PRKACB: variants seen among roughly 807,000 people sequenced by gnomAD.
PRKACB encodes protein kinase cAMP-activated catalytic subunit beta.
A neutral mutation model predicts 51.4 loss-of-function variants in PRKACB; 16 were observed. The observed-to-expected ratio is 0.31, with a 90% confidence interval of 0.21 to 0.47. The LOEUF (loss-of-function observed/expected upper bound fraction) is 0.47, where lower values mean the gene tolerates loss of function less well. PRKACB is among the 20% of genes least tolerant of loss of function. PRKACB has a pLI of 1.00. For synonymous variants in PRKACB, 147 were observed against 154.4 expected (o/e 0.95, Z 0.35); for missense variants, 309 against 464.5 (o/e 0.67, Z 3.08).
intron 8 of PRKACB, among the ~76,000 whole-genome samples, chr1:84,212,360 A>G (rs939240892): frequency 6.8e-6 from 1 of 147,300 alleles, no homozygotes; most frequent in Admixed American, 6.6e-5. Flanking sequence ...CTTATAGACT[A>G]GCACAAAAGT....
chr1:84,222,590 C>T (rs1341588400), intron 9 of PRKACB, among the ~76,000 whole-genome samples: 1 of 151,904 alleles, frequency 6.6e-6, no homozygotes, highest in Admixed American at 6.6e-5. Context: ...ATGTGTCTGC[C>T]CTACCAGTGA....
At chr1:84,153,322 G>A (rs1655062637) in intron 1 of PRKACB, among the ~76,000 whole-genome samples, 1 of 152,114 alleles carries the variant, frequency 6.6e-6, no homozygotes, top group Admixed American at 6.6e-5. Flanking sequence ...GTGAGCACAT[G>A]CTGTAAGAAA....
chr1:84,110,423 A>G lies in PRKACB; in HGVS notation c.46+32052A>G, dbSNP rs368392250. On this transcript the variant is annotated intron_variant, in intron 1 of 8. Coordinates refer to the PRKACB transcript ENST00000370688. ...ACTTGAGTTTTTCCCATAATGTTCA[A>G]TTTCCTCTGGAAAGAAAATGTAAAC... 5.5e-4 allele frequency among the ~76,000 whole-genome samples: 84 copies of G among 151,870 alleles called. 1 individual carries two copies. In the South Asian group the frequency reaches 0.017, roughly 31 times the overall value.
intron 5 of PRKACB, among the ~76,000 whole-genome samples, chr1:84,187,371 T>C (rs950715136): frequency 9.2e-5 from 14 of 152,106 alleles, no homozygotes; most frequent in African/African-American, 3.4e-4. Flanking sequence ...AAGCAGGCAT[T>C]AAGAGGGGTA....
intron 9 of PRKACB, among the ~76,000 whole-genome samples, chr1:84,231,788 T>C (rs1675707959): frequency 6.6e-6 from 1 of 152,300 alleles, no homozygotes; most frequent in South Asian, 2.1e-4. Context: ...CATTTTTTAT[T>C]GCGTCTATTT....
At chr1:84,180,015 A>T (rs1490496717) in intron 2 of PRKACB, among the ~76,000 whole-genome samples, 1 of 144,484 alleles carries the variant, frequency 6.9e-6, no homozygotes. Flanking sequence ...CTCATTGTTC[A>T]ACTCCCACTT....
intron 1 of PRKACB, among the ~76,000 whole-genome samples, chr1:84,083,636 A>T (rs1212395549): frequency 6.6e-6 from 1 of 152,192 alleles, no homozygotes; most frequent in African/African-American, 2.4e-5. Context: ...ATTAATTTTT[A>T]AAAATTAGTA....
chr1:84,202,825 A>C lies in PRKACB; in HGVS notation c.906+20A>C. On this transcript the variant is annotated intron_variant, in intron 8 of 9. Transcript: ENST00000370685. ...GGAAAGGTAAGTAAAACATTTTATT[A>C]TTCCTCTCTTATTACTGTATATGAA... The C allele has an allele frequency of 6.4e-7, 1 of 1,563,618 alleles. No individual in the cohort carries two copies. The highest frequency in any genetic ancestry group is 2.3e-5 in the East Asian group (1 of 44,374).
chr1:84,197,376 A>G (rs914092697), intron 6 of PRKACB, among the ~76,000 whole-genome samples: 4 of 152,146 alleles, frequency 2.6e-5, no homozygotes, highest in Admixed American at 6.6e-5. Flanking sequence ...CAGAGGACAC[A>G]TTGGGGTAAG....
intron 1 of PRKACB, among the ~76,000 whole-genome samples, chr1:84,131,505 CAGAG>C (rs1281516234): frequency 2.0e-5 from 3 of 152,046 alleles, no homozygotes; most frequent in Non-Finnish European, 4.4e-5. Flanking sequence ...AAGTGAAAAA[CAGAG>C]AGAAGAGACT....
At chr1:84,171,964 A>T (rs1436860225) in intron 1 of PRKACB, among the ~76,000 whole-genome samples, 2 of 151,688 alleles carry the variant, frequency 1.3e-5, no homozygotes, top group African/African-American at 4.8e-5. Context: ...AATCTAATAA[A>T]AGTGTAATAA....
In PRKACB at chr1:84,199,833, T is replaced by C. The variant is rs538529297; in HGVS notation, c.783+2009T>C. ...GCATCTGTTATTTTTTGACTATTTG[T>C]TTATTTATTTATTTATTTATTTATT... On this transcript the variant is annotated intron_variant, in intron 7 of 9. Transcript: ENST00000370685. 8.9e-5 allele frequency among the ~76,000 whole-genome samples: 4 copies of C among 44,804 alleles called. No individual in the cohort carries two copies. In the South Asian group the frequency reaches 1.7e-3, roughly 19 times the overall value. 29.4% of individuals were successfully genotyped at this position (44,804 alleles called of 152,430 possible).
chr1:84,119,982 C>G (rs1020970886), intron 1 of PRKACB, among the ~76,000 whole-genome samples: 2 of 151,940 alleles, frequency 1.3e-5, no homozygotes, highest in African/African-American at 4.8e-5. Context: ...AGAAAGTACC[C>G]CACCTCCATC....
At chr1:84,160,855 G>T (rs1007937486) in intron 1 of PRKACB, among the ~76,000 whole-genome samples, 2 of 151,482 alleles carry the variant, frequency 1.3e-5, no homozygotes, top group African/African-American at 4.8e-5. Flanking sequence ...TGAAAGCTTT[G>T]GCAAACCCTT....
intron 9 of PRKACB, among the ~76,000 whole-genome samples, chr1:84,217,527 G>A (rs1673052763): frequency 6.7e-6 from 1 of 150,314 alleles, no homozygotes; most frequent in Non-Finnish European, 1.5e-5. Flanking sequence ...AGGTGCAGTG[G>A]CTCACACCTG....
chr1:84,114,893 T>C (rs999653034), intron 1 of PRKACB, among the ~76,000 whole-genome samples: 3 of 152,226 alleles, frequency 2.0e-5, no homozygotes, highest in Non-Finnish European at 4.4e-5. Context: ...CCAAGTAATA[T>C]TGCATTCTGC....
intron 2 of PRKACB, among the ~76,000 whole-genome samples, chr1:84,181,082 A>G (rs1221811552): frequency 6.6e-6 from 1 of 152,064 alleles, no homozygotes; most frequent in East Asian, 1.9e-4. Flanking sequence ...AAATCAAACT[A>G]TGATGAAAAC....
intron 9 of PRKACB, among the ~76,000 whole-genome samples, chr1:84,224,614 G>A (rs1235839727): frequency 1.3e-5 from 2 of 152,156 alleles, no homozygotes; most frequent in Non-Finnish European, 2.9e-5. Context: ...TGAGCATTGG[G>A]GTTGCAGTGC....
intron 1 of PRKACB, among the ~76,000 whole-genome samples, chr1:84,097,461 G>A (rs865803184): frequency 3.0e-4 from 45 of 151,966 alleles, no homozygotes; most frequent in African/African-American, 1.0e-3. Context: ...AGCCATTTTG[G>A]TGTGTGTATT....
Sources: gnomAD v4.1 joint callset for allele counts (sites outside exome capture counted in the v4.1 genomes callset) on GRCh38, gnomAD v4.1.1 for gene constraint, MANE v1.5 for transcripts, NCBI Gene and HGNC (gene_info 2026-07-23, HGNC 2026-07-21) for gene names.